Variants in FRMD4B observed in about 807,000 individuals in gnomAD.
FRMD4B encodes the protein FERM domain containing 4B, also known as FERM domain-containing protein 4B.
Under a neutral mutation model 141.5 loss-of-function variants are expected in FRMD4B, and 74 were observed. That is an observed-to-expected ratio of 0.52 (90% CI 0.43 to 0.63). The LOEUF is 0.63. Among genes scored for constraint, FRMD4B ranks in the 30% least tolerant of loss-of-function variants. The pLI is 0.00. For missense variants in FRMD4B, 1,366 were observed against 1,253.4 expected, an observed-to-expected ratio of 1.09 and a Z score of -1.36; for synonymous variants, 506 against 467.9, an observed-to-expected ratio of 1.08 and a Z score of -1.05.
intron 1 of FRMD4B, among the ~76,000 whole-genome samples, chr3:69,438,896 G>A (rs1018829002): frequency 2.6e-5 from 4 of 152,034 alleles, no homozygotes; most frequent in Non-Finnish European, 5.9e-5. Context: ...ACTAACAAAC[G>A]TTGTTTTTCA....
chr3:69,304,069 G>T (rs1236352776), intron 3 of FRMD4B, among the ~76,000 whole-genome samples: 7 of 151,420 alleles, frequency 4.6e-5, no homozygotes, highest in African/African-American at 1.5e-4. Context: ...GAGTTGGGAG[G>T]ATTGGCTAAA....
intron 5 of FRMD4B, among the ~76,000 whole-genome samples, chr3:69,281,998 G>A (rs891486220): frequency 1.3e-5 from 2 of 151,970 alleles, no homozygotes; most frequent in Admixed American, 1.3e-4. Flanking sequence ...TGCCGTATGG[G>A]CAATGATATT....
intron 1 of FRMD4B, among the ~76,000 whole-genome samples, chr3:69,447,449 T>A (rs1224104056): frequency 1.3e-4 from 20 of 152,184 alleles, no homozygotes; most frequent in Non-Finnish European, 5.9e-5. Context: ...AGGTATAACA[T>A]ATATACACAA....
Position 69,316,117 on chromosome 3 carries a change from C to T in FRMD4B, c.163-2600G>A, listed in dbSNP as rs534473573. 1.3e-4 allele frequency among the ~76,000 whole-genome samples: 20 copies of T among 152,290 alleles called. No homozygotes were observed. In the South Asian group the frequency reaches 3.3e-3, roughly 25 times the overall value. On this transcript the variant is annotated intron_variant, in intron 1 of 22. Coordinates refer to ENST00000398540, the MANE Select transcript of FRMD4B (RefSeq NM_015123.3). ...AATTTATAGTTTTGATCGAACTCTG[C>T]TTTAAGAGTCTGAAAACTAGCTCAG...
chr3:69,228,463 A>C, intron 7 of FRMD4B: 1 of 456,660 alleles, frequency 2.2e-6, no homozygotes, highest in Admixed American at 2.3e-5. Context: ...TGAAGAGAGG[A>C]GAACATTGCC....
intron 7 of FRMD4B, among the ~76,000 whole-genome samples, chr3:69,248,274 T>G (rs74564534): frequency 0.039 from 5,931 of 151,724 alleles, 127 homozygotes; most frequent in Middle Eastern, 0.071. Flanking sequence ...TATATATATA[T>G]AGAGAGAGCA....
rs543767176 is a variant in FRMD4B, at chr3:69,423,942, C to T, written c.-1+8692G>A. Among the ~76,000 whole-genome samples the T allele has an allele frequency of 2.0e-5, 3 of 152,188 alleles. No individual in the cohort carries two copies. In the South Asian group the frequency reaches 6.2e-4, roughly 32 times the overall value. On this transcript the variant is annotated intron_variant, in intron 2 of 5. Transcript: ENST00000459638. The stretch of plus-strand genomic sequence containing the variant: ...TTTCTGTTGTTTATAAGCTACCCAG[C>T]TTATGGTATTTCGTAACAGCAGCCC...
chr3:69,237,116 G>A (rs552157937), intron 7 of FRMD4B, among the ~76,000 whole-genome samples: 1 of 152,314 alleles, frequency 6.6e-6, no homozygotes, highest in East Asian at 1.9e-4. Context: ...CACAGTAGGT[G>A]GCAACAGATC....
intron 1 of FRMD4B, among the ~76,000 whole-genome samples, chr3:69,347,915 T>G (rs1488621612): frequency 2.0e-5 from 3 of 152,022 alleles, no homozygotes; most frequent in African/African-American, 4.8e-5. Flanking sequence ...ACATCACAAT[T>G]AAAAGAACTA....
chr3:69,189,673 C>T (rs563705072), intron 18 of FRMD4B, among the ~76,000 whole-genome samples: 1 of 152,124 alleles, frequency 6.6e-6, no homozygotes, highest in Non-Finnish European at 1.5e-5. Context: ...CATTCTGATT[C>T]GCTGAGGTCA....
chr3:69,218,411 T>C (rs756001014), intron 9 of FRMD4B, 32 bp from the exon 10 acceptor site: 4 of 1,013,520 alleles, frequency 3.9e-6, no homozygotes, highest in East Asian at 5.0e-5. Context: ...CACAATCTTA[T>C]TAAAATAGTT....
chr3:69,275,166 A>C (rs1471475393), intron 5 of FRMD4B, among the ~76,000 whole-genome samples: 1 of 152,170 alleles, frequency 6.6e-6, no homozygotes, highest in Non-Finnish European at 1.5e-5. Flanking sequence ...AAATATGTCA[A>C]AATAATACAA....
intron 1 of FRMD4B, among the ~76,000 whole-genome samples, chr3:69,384,735 C>T (rs774719091): frequency 6.6e-5 from 10 of 152,182 alleles, no homozygotes; most frequent in African/African-American, 1.2e-4. Flanking sequence ...GACAAGGGGA[C>T]GCTGACTCTT....
At chr3:69,363,877 A>C (rs6549209) in intron 1 of FRMD4B, among the ~76,000 whole-genome samples, 60,858 of 152,012 alleles carry the variant, frequency 0.4, 14,310 homozygotes, top group African/African-American at 0.66. Context: ...TCTTTTCAGG[A>C]CTGGAGGCAG....
intron 1 of FRMD4B, among the ~76,000 whole-genome samples, chr3:69,501,963 C>G (rs1179937813): frequency 6.6e-6 from 1 of 152,106 alleles, no homozygotes; most frequent in Non-Finnish European, 1.5e-5. Context: ...ACCTAGGAAT[C>G]CAACTTACAA....
At chr3:69,306,566 A>C (rs955552124) in intron 3 of FRMD4B, 2 of 152,192 alleles carry the variant, frequency 1.3e-5, no homozygotes, top group African/African-American at 2.4e-5. Context: ...GGGGTGAAAG[A>C]CTAACTTTGC....
intron 2 of FRMD4B, among the ~76,000 whole-genome samples, chr3:69,428,474 T>G (rs1575799409): frequency 2.0e-5 from 3 of 151,314 alleles, no homozygotes; most frequent in African/African-American, 7.3e-5. Context: ...TTTGCACCAC[T>G]AAAGTTAGGT....
Position 69,198,443 on chromosome 3 carries a change from C to T in FRMD4B, c.953+255G>A, listed in dbSNP as rs141002041. 57 of 429,516 alleles carry T rather than the reference C, an allele frequency of 1.3e-4. 1 individual carries two copies. Among genetic ancestry groups the T allele is most frequent in the East Asian group, 2.6e-4 (7 of 26,508 alleles). The allele number at this position is 429,516 out of a possible 1,614,324, so 26.6% of individuals were successfully genotyped here. Reference sequence around the variant, plus strand: ...ACACAAAACTAAAAATAACAAGTGTCGGTGAGGATGTGTCGGCATTGGAAC... The same window carrying T: ...ACACAAAACTAAAAATAACAAGTGTTGGTGAGGATGTGTCGGCATTGGAAC... On this transcript the variant is annotated intron_variant, in intron 12 of 22. Coordinates refer to ENST00000398540, the MANE Select transcript of FRMD4B (RefSeq NM_015123.3).
chr3:69,227,587 A>G (rs1471219437), intron 7 of FRMD4B, among the ~76,000 whole-genome samples: 1 of 151,782 alleles, frequency 6.6e-6, no homozygotes, highest in Non-Finnish European at 1.5e-5. Flanking sequence ...ACTTGAACCC[A>G]GGAGGCGGAA....
Sources: gnomAD v4.1 joint callset for allele counts (sites outside exome capture counted in the v4.1 genomes callset) on GRCh38, gnomAD v4.1.1 for gene constraint, MANE v1.5 for transcripts, NCBI Gene and HGNC (gene_info 2026-07-23, HGNC 2026-07-21) for gene names.